Variants in NAA35 observed in about 807,000 individuals in gnomAD.
NAA35 encodes the protein MAK10 homolog, amino-acid N-acetyltransferase subunit.
Under a neutral mutation model 101.7 loss-of-function variants are expected in NAA35, and 18 were observed. That is an observed-to-expected ratio of 0.18 (90% confidence interval 0.12 to 0.26). The LOEUF is 0.26. NAA35 is among the 10% of genes least tolerant of loss of function. NAA35 has a pLI of 1.00. For synonymous variants in NAA35, 267 were observed against 273.1 expected (o/e 0.98, Z 0.22); for missense variants, 601 against 886.8 (o/e 0.68, Z 4.09).
intron 11 of NAA35, among the ~76,000 whole-genome samples, chr9:85,985,217 C>T (rs1317594803): frequency 2.0e-5 from 3 of 152,164 alleles, no homozygotes; most frequent in Non-Finnish European, 4.4e-5. Flanking sequence ...AATGATACAG[C>T]TCTCTTGGAG....
At chr9:86,015,870 A>C in intron 17 of NAA35, 7 of 721,524 alleles carry the variant, frequency 9.7e-6, no homozygotes, top group South Asian at 6.3e-5. Context: ...ATGGACTCTC[A>C]CATTTTGTAG....
rs1215293336 is a variant in NAA35, at chr9:86,022,760, C to CT, written c.*801dup. On this transcript the variant is annotated 3_prime_UTR_variant, in exon 23 of 23. Coordinates refer to ENST00000361671, the MANE Select transcript of NAA35 (RefSeq NM_024635.4). ...TTCAGTATCCTCTGGCTTTGAAAAA[C>CT]TGACTACATCCCCCTGTGCTTGCAA... Among the ~76,000 whole-genome samples, 1 of 152,166 alleles carries CT rather than the reference C, an allele frequency of 6.6e-6. No homozygotes were observed. Among genetic ancestry groups the CT allele is most frequent in the Non-Finnish European group, 1.5e-5 (1 of 68,034 alleles).
At chr9:85,961,588 C>G (rs1404968636) in intron 5 of NAA35, among the ~76,000 whole-genome samples, 1 of 152,134 alleles carries the variant, frequency 6.6e-6, no homozygotes, top group African/African-American at 2.4e-5. Context: ...GGCAGGAAAA[C>G]CTATCTAGTT....
At chr9:86,002,921 T>C (rs2118329733) in intron 12 of NAA35, among the ~76,000 whole-genome samples, 1 of 152,284 alleles carries the variant, frequency 6.6e-6, no homozygotes, top group South Asian at 2.1e-4. Flanking sequence ...ACTCTGGCCA[T>C]TTGAGTTACC....
At chr9:86,017,724 A>G (rs1339339986) in intron 19 of NAA35, among the ~76,000 whole-genome samples, 159 bp downstream of exon 19, 1 of 152,130 alleles carries the variant, frequency 6.6e-6, no homozygotes, top group Non-Finnish European at 1.5e-5. Flanking sequence ...AATTTTTTCA[A>G]CAACCATTTG....
Position 86,023,791 on chromosome 9 carries a change from G to C in NAA35, c.*1831G>C, listed in dbSNP as rs1359254049. On this transcript the variant is annotated 3_prime_UTR_variant, in exon 23 of 23. Coordinates refer to ENST00000361671, the MANE Select transcript of NAA35 (RefSeq NM_024635.4). ...AACTAAAAAAGATTGATTAGTGTTAGATTTATCAGTGTATGTTACTGACAG... is the reference window on the plus strand; with the variant it reads ...AACTAAAAAAGATTGATTAGTGTTACATTTATCAGTGTATGTTACTGACAG... Among the ~76,000 whole-genome samples the C allele has an allele frequency of 1.3e-5, 2 of 152,230 alleles. No homozygotes were observed. The highest frequency in any genetic ancestry group is 2.9e-5 in the Non-Finnish European group (2 of 68,042).
intron 2 of NAA35, among the ~76,000 whole-genome samples, chr9:85,951,698 C>T (rs1829025415): frequency 6.6e-6 from 1 of 152,186 alleles, no homozygotes; most frequent in Non-Finnish European, 1.5e-5. Flanking sequence ...CTCTGTCACC[C>T]AGTCTGGAGT....
chr9:85,976,848 A>G (rs1032263463), intron 9 of NAA35, 113 bp downstream of exon 9: 15 of 741,792 alleles, frequency 2.0e-5, no homozygotes, highest in Admixed American at 1.9e-4. Context: ...ATTTCTTTAA[A>G]AATTGGACAT....
At chr9:85,962,490 C>CAAAAAAAAAAAAAAAAAA (rs781302881) in intron 6 of NAA35, among the ~76,000 whole-genome samples, 3 of 85,942 alleles carry the variant, frequency 3.5e-5, no homozygotes, top group Non-Finnish European at 6.4e-5. Context: ...GACTCTGTCT[C>CAAAAAAAAAAAAAAAAAA]AAAAAAAAAA....
chr9:85,958,283 T>C (rs1829362092), intron 3 of NAA35, among the ~76,000 whole-genome samples, 189 bp from the exon 4 acceptor site: 1 of 152,144 alleles, frequency 6.6e-6, no homozygotes, highest in Admixed American at 6.5e-5. Flanking sequence ...ATAATTTGAG[T>C]GGCAAGTACA....
chr9:85,960,331 C>A (rs2117873289), intron 5 of NAA35, among the ~76,000 whole-genome samples: 1 of 152,186 alleles, frequency 6.6e-6, no homozygotes, highest in Non-Finnish European at 1.5e-5. Context: ...CTAGAAAGTA[C>A]TGTTTGTCGA....
chr9:85,947,011 A>G (rs1201736787), intron 2 of NAA35, among the ~76,000 whole-genome samples: 13 of 152,110 alleles, frequency 8.5e-5, no homozygotes, highest in Admixed American at 8.5e-4. Context: ...CAATATATAT[A>G]TTTGTTTTAA....
rs1357717397 is a variant in NAA35, at chr9:85,985,392, G to A, written c.877+7011G>A. Reference sequence around the variant, plus strand: ...AGTGGATGAATGGATGCATAAAATGGTATATCCATGTAGTGGTGTATTATT... The same window carrying A: ...AGTGGATGAATGGATGCATAAAATGATATATCCATGTAGTGGTGTATTATT... On this transcript the variant is annotated intron_variant, in intron 11 of 22. Coordinates refer to ENST00000361671, the MANE Select transcript of NAA35 (RefSeq NM_024635.4). Among the ~76,000 whole-genome samples the A allele has an allele frequency of 6.6e-5, 10 of 152,324 alleles. No individual in the cohort carries two copies. In the East Asian group the frequency reaches 1.9e-3, roughly 29 times the overall value.
At chr9:86,012,378 G>T (rs1178479464) in intron 15 of NAA35, among the ~76,000 whole-genome samples, 2 of 152,098 alleles carry the variant, frequency 1.3e-5, no homozygotes, top group Non-Finnish European at 2.9e-5. Flanking sequence ...AAAGTGCTGG[G>T]ATTACAGGGG....
chr9:85,951,791 C>T (rs1031214969), intron 2 of NAA35, among the ~76,000 whole-genome samples: 5 of 152,148 alleles, frequency 3.3e-5, no homozygotes, highest in Admixed American at 6.5e-5. Context: ...AATAGAGTAG[C>T]TGGGATTACA....
rs774916474 is a variant in NAA35 at position 85,958,623 on chromosome 9, T to A, written c.273+37T>A. The A allele has an allele frequency of 2.2e-6, 3 of 1,342,168 alleles. No homozygotes were observed. The African/African-American group carries it at 4.4e-5, about 19-fold the overall frequency. The allele number at this position is 1,342,168 out of a possible 1,614,324, so 83.1% of individuals were successfully genotyped here. A position where few individuals can be genotyped will look rare whatever the true frequency, so the allele number is the denominator to read the frequency against. ...TGTACTTTTTGTGTTTCCATTTATC[T>A]TTTGTTACTTCCTGTTAAAACATGG... On this transcript the variant is annotated intron_variant, in intron 4 of 22. Transcript: ENST00000361671.
At chr9:85,986,424 G>T in intron 11 of NAA35, 1 of 470,106 alleles carries the variant, frequency 2.1e-6, no homozygotes. Context: ...TGGTTACAGT[G>T]CTACTTGTTT....
chr9:85,997,158 C>T (rs527623864), intron 12 of NAA35, among the ~76,000 whole-genome samples: 38 of 151,268 alleles, frequency 2.5e-4, no homozygotes, highest in Non-Finnish European at 4.6e-4. Context: ...GATGGGGTCT[C>T]ACTATGTTAC....
chr9:86,006,453 A>C (rs1332346226), intron 13 of NAA35, among the ~76,000 whole-genome samples: 3 of 152,212 alleles, frequency 2.0e-5, no homozygotes, highest in Non-Finnish European at 2.9e-5. Flanking sequence ...GCACAGTGGA[A>C]TACTACTCAG....
Sources: gnomAD v4.1 joint callset for allele counts (sites outside exome capture counted in the v4.1 genomes callset) on GRCh38, gnomAD v4.1.1 for gene constraint, MANE v1.5 for transcripts, NCBI Gene and HGNC (gene_info 2026-07-23, HGNC 2026-07-21) for gene names.